The following CFAP45 variants were observed in gnomAD, a reference collection of about 807,000 sequenced individuals.
CFAP45 encodes the protein cilia and flagella associated protein 45.
In CFAP45, 43 loss-of-function variants were observed where a neutral mutation model predicts 75.6. The observed-to-expected ratio is 0.57, with a 90% confidence interval of 0.45 to 0.73. The LOEUF is 0.73. CFAP45 is among the 30% of genes least tolerant of loss of function. CFAP45 has a pLI of 0.00. For synonymous variants in CFAP45, 223 were observed against 244.6 expected (o/e 0.91, Z 0.82); for missense variants, 689 against 701.5 (o/e 0.98, Z 0.20).
intron 8 of CFAP45, among the ~76,000 whole-genome samples, chr1:159,878,818 G>A (rs972914778): frequency 6.9e-5 from 9 of 130,732 alleles, no homozygotes; most frequent in Non-Finnish European, 1.2e-4. Context: ...CCAGACTTCT[G>A]TGAAGCCCAG....
intron 2 of CFAP45, 57 bp from the exon 3 acceptor site, chr1:159,890,679 G>C (rs1469787548): frequency 6.4e-7 from 1 of 1,556,454 alleles, no homozygotes; most frequent in Non-Finnish European, 8.8e-7. Context: ...CTGCTGGTCA[G>C]TCCTAACTTC....
chr1:159,876,460 A>C, intron 10 of CFAP45, 96 bp downstream of exon 10: 3 of 875,022 alleles, frequency 3.4e-6, no homozygotes, highest in Non-Finnish European at 5.6e-6. Context: ...ATCGACGAGC[A>C]TCTGTTAACA....
rs1243131462 is a variant in CFAP45, at chr1:159,887,744, C to A, written c.588+97G>T. 13 of 1,234,952 alleles carry A rather than the reference C, an allele frequency of 1.1e-5. No homozygotes were observed. The East Asian group carries it at 1.8e-4, about 17-fold the overall frequency. 76.5% of individuals were successfully genotyped at this position (1,234,952 alleles called of 1,614,324 possible). On this transcript the variant is annotated intron_variant, in intron 5 of 11. Coordinates refer to ENST00000368099, the MANE Select transcript of CFAP45 (RefSeq NM_012337.3). ...CTCCCCCGCCCCACCCCTGCCCACA[C>A]CCCCACCAGTCCCTGGCCTTGTCCA...
rs555197281 is a variant in CFAP45 at position 159,885,905 on chromosome 1, C to CA, written c.767+605dup. Among the ~76,000 whole-genome samples the CA allele has an allele frequency of 3.2e-4, 48 of 151,188 alleles. No homozygotes were observed. The East Asian group carries it at 6.0e-3, about 19-fold the overall frequency. The stretch of plus-strand genomic sequence containing the variant: ...AAAAGGGTATTCAAAAAAGAGAAAA[C>CA]AAAAAAAAATTAAGAACTTGTCACA... On this transcript the variant is annotated intron_variant, in intron 6 of 11. Transcript: ENST00000368099.
At chr1:159,891,238 T>C (rs1298934074) in intron 2 of CFAP45, among the ~76,000 whole-genome samples, 1 of 152,258 alleles carries the variant, frequency 6.6e-6, no homozygotes, top group Non-Finnish European at 1.5e-5. Context: ...TTTTCCTTTA[T>C]GAAAGAAGAA....
chr1:159,890,987 G>C (rs975862018), intron 2 of CFAP45, among the ~76,000 whole-genome samples: 1 of 152,066 alleles, frequency 6.6e-6, no homozygotes, highest in Non-Finnish European at 1.5e-5. Context: ...TCAATCTCCT[G>C]ACCTCAGATG....
intron 7 of CFAP45, among the ~76,000 whole-genome samples, chr1:159,881,272 C>A (rs1022546825): frequency 1.3e-5 from 2 of 152,212 alleles, no homozygotes; most frequent in Non-Finnish European, 2.9e-5. Flanking sequence ...ACTTCCCCAC[C>A]GGCCACACAG....
chr1:159,893,908 A>C (rs1649890512), intron 1 of CFAP45, among the ~76,000 whole-genome samples: 1 of 151,130 alleles, frequency 6.6e-6, no homozygotes, highest in Non-Finnish European at 1.5e-5. Flanking sequence ...AATATATATA[A>C]ATATACATGT....
intron 1 of CFAP45, among the ~76,000 whole-genome samples, chr1:159,897,012 T>C (rs778350084): frequency 3.3e-5 from 5 of 152,080 alleles, no homozygotes; most frequent in Non-Finnish European, 7.4e-5. Context: ...GCCTGTAATC[T>C]CAGCACTTTG....
At chr1:159,898,265 C>T in intron 1 of CFAP45, 2 of 984,090 alleles carry the variant, frequency 2.0e-6, no homozygotes, top group Non-Finnish European at 2.4e-6. Context: ...ACCAAGTTGG[C>T]CATCTGTAGG....
Position 159,880,579 on chromosome 1 carries a change from A to G in CFAP45, c.1019T>C (p.Val340Ala). ...CATCTTCTTCTTGGTAAACTCCATCACCATCTGGTCTGCCAGCTTCTCCTG... is the reference window on the plus strand; with the variant it reads ...CATCTTCTTCTTGGTAAACTCCATCGCCATCTGGTCTGCCAGCTTCTCCTG... ...LAQEKLADQM[V>A]MEFTKKKMAR... Residue 340 changes from valine (V) to alanine (A), a missense_variant, in exon 8 of 12, where the codon GTG becomes GCG. Transcript: ENST00000368099. 8 of 1,612,782 alleles carry G rather than the reference A, an allele frequency of 5.0e-6. No individual in the cohort carries two copies. Among genetic ancestry groups the G allele is most frequent in the Non-Finnish European group, 6.8e-6 (8 of 1,179,488 alleles).
intron 4 of CFAP45, 131 bp downstream of exon 4, chr1:159,888,221 T>C: frequency 9.0e-7 from 1 of 1,115,124 alleles, no homozygotes; most frequent in Non-Finnish European, 1.3e-6. Flanking sequence ...CTCTTTGGTC[T>C]CCTTTCTGTA....
At chr1:159,883,156 A>G (rs539189113) in intron 7 of CFAP45, among the ~76,000 whole-genome samples, 1 of 152,378 alleles carries the variant, frequency 6.6e-6, no homozygotes, top group South Asian at 2.1e-4. Context: ...AGAGAATCGT[A>G]AAAGAATACG....
At chr1:159,880,740 T>C in intron 7 of CFAP45, 40 bp from the exon 8 acceptor site, 1 of 1,605,338 alleles carries the variant, frequency 6.2e-7, no homozygotes, top group Non-Finnish European at 8.5e-7. Context: ...TACAAAGAGG[T>C]AAGACAAGAA....
At chr1:159,894,746 C>A (rs12064253) in intron 1 of CFAP45, among the ~76,000 whole-genome samples, 84,412 of 152,042 alleles carry the variant, frequency 0.56, 26,307 homozygotes, top group East Asian at 0.76. Context: ...TTCACCTCAG[C>A]CTGGCCAAGG....
At chr1:159,900,021 T>C in intron 1 of CFAP45, 75 bp downstream of exon 1, 2 of 1,574,146 alleles carry the variant, frequency 1.3e-6, no homozygotes, top group Non-Finnish European at 1.7e-6. Context: ...TGACCTCCCC[T>C]AGGCCCCCAC....
rs1412579271 is a variant in CFAP45 at position 159,877,470 on chromosome 1, A to G, written c.1045-8T>C. The G allele has an allele frequency of 1.9e-6, 3 of 1,599,392 alleles. No individual in the cohort carries two copies. In the Admixed American group the frequency reaches 5.0e-5, roughly 27 times the overall value. ...AAACTCTGCTTCTCGAGCCTGCCGG[A>G]AGGAAAGGCCTTGTAGAATAGTTGC... On this transcript the variant is annotated splice_polypyrimidine_tract_variant and splice_region_variant and intron_variant, in intron 8 of 11. Coordinates refer to ENST00000368099, the MANE Select transcript of CFAP45 (RefSeq NM_012337.3).
In CFAP45 at chr1:159,888,004, A is replaced by G; in HGVS notation, c.425T>C (p.Val142Ala). 6.2e-7 allele frequency: 1 copy of G among 1,614,056 alleles called. No individual in the cohort carries two copies. Among genetic ancestry groups the G allele is most frequent in the South Asian group, 1.1e-5 (1 of 91,076 alleles). The change falls in exon 5 of 12, where the codon GTG becomes GCG. Residue 142 changes from valine (V) to alanine (A), a missense_variant. Transcript: ENST00000368099. ...KKEKEATMDAVMTRKKIMKQK... is the reference protein window; with the variant it reads ...KKEKEATMDAAMTRKKIMKQK... ...TTTCATGATCTTCTTTCGTGTCATC[A>G]CTGCATCCTAAGGGAGACCAGTCTG...
chr1:159,888,315 C>T, intron 4 of CFAP45, 37 bp downstream of exon 4: 5 of 1,601,068 alleles, frequency 3.1e-6, no homozygotes, highest in Non-Finnish European at 4.3e-6. Flanking sequence ...ATTCTGCCAC[C>T]CATCTGCAGA....
Sources: gnomAD v4.1 joint callset for allele counts (sites outside exome capture counted in the v4.1 genomes callset) on GRCh38, gnomAD v4.1.1 for gene constraint, MANE v1.5 for transcripts, NCBI Gene and HGNC (gene_info 2026-07-23, HGNC 2026-07-21) for gene names.